The following MECOM variants were observed in gnomAD, a reference collection of about 807,000 sequenced individuals.
MECOM encodes MDS1 and EVI1 complex locus.
A neutral mutation model predicts 116.3 loss-of-function variants in MECOM; 13 were observed. That is an observed-to-expected ratio of 0.11 (90% CI 0.07 to 0.18). The LOEUF is 0.18. Among genes scored for constraint, MECOM ranks in the 10% least tolerant of loss-of-function variants. The probability of loss-of-function intolerance (pLI) is 1.00; values close to 1 mark genes in which losing one functional copy is unlikely to be tolerated. For missense variants in MECOM, 1,299 were observed against 1,509.0 expected (o/e 0.86, Z 2.31); for synonymous variants, 528 against 535.2 (o/e 0.99, Z 0.19).
intron 2 of MECOM, among the ~76,000 whole-genome samples, chr3:169,153,493 T>TAAA (rs1741478190): frequency 6.6e-6 from 1 of 152,208 alleles, no homozygotes; most frequent in Non-Finnish European, 1.5e-5. Flanking sequence ...AGGTAGTAAG[T>TAAA]GCTTTTGGAA....
chr3:169,351,406 G>A (rs1417239551), intron 2 of MECOM, among the ~76,000 whole-genome samples: 1 of 151,820 alleles, frequency 6.6e-6, no homozygotes, highest in Non-Finnish European at 1.5e-5. Context: ...AATCTACACA[G>A]TAATGTATTT....
chr3:169,156,808 T>G lies in MECOM; in HGVS notation c.376-12976A>C, dbSNP rs184501074. 2.9e-3 allele frequency among the ~76,000 whole-genome samples: 448 copies of G among 152,330 alleles called. 2 individuals are homozygous for G. Among genetic ancestry groups the G allele is most frequent in the African/African-American group, 0.01 (421 of 41,584 alleles). ...AATAAGATTTGGCATTATCTAGATA[T>G]GCATTTCCCTAGGAGAAAGAAAAGC... is the stretch of plus-strand genomic sequence containing the variant. On this transcript the variant is annotated intron_variant, in intron 2 of 16. Transcript: ENST00000651503.
chr3:169,373,169 G>T (rs73038611), intron 2 of MECOM, among the ~76,000 whole-genome samples: 7,564 of 152,054 alleles, frequency 0.05, 637 homozygotes, highest in African/African-American at 0.17. Flanking sequence ...TTGGAGAGAA[G>T]TCACATGCAT....
At chr3:169,512,763 T>C (rs931360210) in intron 1 of MECOM, among the ~76,000 whole-genome samples, 5 of 151,656 alleles carry the variant, frequency 3.3e-5, no homozygotes, top group African/African-American at 1.2e-4. Flanking sequence ...CCTTCCCACT[T>C]CTTCCTGCAG....
chr3:169,092,891 G>GC, intron 14 of MECOM, 67 bp downstream of exon 14: 1 of 1,587,946 alleles, frequency 6.3e-7, no homozygotes, highest in Non-Finnish European at 8.6e-7. Flanking sequence ...AGTGAGCATA[G>GC]CAAGTATATT....
intron 1 of MECOM, among the ~76,000 whole-genome samples, chr3:169,402,735 TAACA>T (rs967638164): frequency 6.6e-6 from 1 of 152,200 alleles, no homozygotes; most frequent in African/African-American, 2.4e-5. Flanking sequence ...GTTGATTCCC[TAACA>T]AACTTCATGC....
At chr3:169,546,679 G>A (rs189295879) in intron 1 of MECOM, among the ~76,000 whole-genome samples, 1 of 152,126 alleles carries the variant, frequency 6.6e-6, no homozygotes, top group South Asian at 2.1e-4. Context: ...GTACAAACTG[G>A]CTATTAGGTG....
chr3:169,475,833 C>T (rs758133842), intron 1 of MECOM, among the ~76,000 whole-genome samples: 3 of 152,052 alleles, frequency 2.0e-5, no homozygotes, highest in Non-Finnish European at 4.4e-5. Context: ...TCAGTTGCTG[C>T]TAGTTAGGAG....
At chr3:169,368,465 A>G (rs953355009) in intron 2 of MECOM, among the ~76,000 whole-genome samples, 6 of 152,048 alleles carry the variant, frequency 3.9e-5, no homozygotes, top group Non-Finnish European at 8.8e-5. Context: ...AAGAGTGTAC[A>G]GTTCCCCTCC....
intron 2 of MECOM, among the ~76,000 whole-genome samples, chr3:169,267,339 T>C (rs1205529627): frequency 1.3e-5 from 2 of 152,194 alleles, no homozygotes; most frequent in African/African-American, 2.4e-5. Context: ...GGTGTCTAAT[T>C]TTTGCCTTTC....
intron 1 of MECOM, among the ~76,000 whole-genome samples, chr3:169,466,079 TGA>T (rs10566472): frequency 0.036 from 5,523 of 152,200 alleles, 314 homozygotes; most frequent in African/African-American, 0.13. Context: ...TCTGAACACT[TGA>T]GATATAACAT....
intron 1 of MECOM, among the ~76,000 whole-genome samples, chr3:169,413,779 G>T (rs527890117): frequency 6.6e-6 from 1 of 152,120 alleles, no homozygotes; most frequent in African/African-American, 2.4e-5. Flanking sequence ...AGGAGGTTTC[G>T]ATTGGGCACA....
At chr3:169,197,059 AG>A (rs1748499611) in intron 2 of MECOM, among the ~76,000 whole-genome samples, 1 of 152,038 alleles carries the variant, frequency 6.6e-6, no homozygotes, top group Admixed American at 6.6e-5. Context: ...GAACTAATGC[AG>A]GAACAGAAAA....
At chr3:169,312,707 A>G (rs1308215706) in intron 2 of MECOM, among the ~76,000 whole-genome samples, 6 of 152,116 alleles carry the variant, frequency 3.9e-5, no homozygotes, top group African/African-American at 7.2e-5. Context: ...CTGAGCACCT[A>G]ATAGAATAAG....
rs116221431 is a variant in MECOM at position 169,420,883 on chromosome 3, A to T, written c.38-39359T>A. 1.6e-3 allele frequency among the ~76,000 whole-genome samples: 244 copies of T among 152,272 alleles called. 2 individuals carry two copies. Among genetic ancestry groups the T allele is most frequent in the African/African-American group, 5.1e-3 (210 of 41,564 alleles). ...TATGTATAAATGAACCTTGAAGATA[A>T]CTAAAATAAAGTGTATTTCATCAAT... On this transcript the variant is annotated intron_variant, in intron 1 of 16. Transcript: ENST00000651503.
At chr3:169,220,827 G>A (rs916569834) in intron 2 of MECOM, among the ~76,000 whole-genome samples, 1 of 152,096 alleles carries the variant, frequency 6.6e-6, no homozygotes, top group Non-Finnish European at 1.5e-5. Context: ...ACCAGTAGAA[G>A]AGAAAGACCA....
In MECOM at chr3:169,378,461, G is replaced by GA. The variant is rs1560196924; in HGVS notation, c.375+2725_375+2726insT. On this transcript the variant is annotated intron_variant, in intron 2 of 16. Coordinates refer to ENST00000651503, the MANE Select transcript of MECOM (RefSeq NM_004991.4). ...AGAAAGAAAGAAAGAAGGAAAGCAA[G>GA]CAAGCAAGCAAGCAAGAAAGAGAGA... Among the ~76,000 whole-genome samples, 2 of 47,690 alleles carry GA rather than the reference G, an allele frequency of 4.2e-5. 1 individual carries two copies. The allele number at this position is 47,690 out of a possible 152,430, so 31.3% of individuals were successfully genotyped here.
chr3:169,500,092 T>G (rs1420586293), intron 1 of MECOM, among the ~76,000 whole-genome samples: 4 of 152,006 alleles, frequency 2.6e-5, no homozygotes, highest in Non-Finnish European at 5.9e-5. Context: ...TTTAATAATT[T>G]AACAGTAGGA....
chr3:169,297,509 C>T (rs1715837545), intron 2 of MECOM, among the ~76,000 whole-genome samples: 1 of 140,648 alleles, frequency 7.1e-6, no homozygotes, highest in Non-Finnish European at 1.5e-5. Flanking sequence ...GGTTGTTTTG[C>T]CTGGGTTTGT....
Sources: allele counts gnomAD v4.1 joint callset (sites outside exome capture counted in the v4.1 genomes callset), GRCh38; gene constraint gnomAD v4.1.1; transcripts MANE v1.5; gene names NCBI Gene and HGNC (gene_info 2026-07-23, HGNC 2026-07-21).